ARMH3: variants seen among roughly 807,000 people sequenced by gnomAD.
The protein encoded by ARMH3 is armadillo like helical domain containing 3.
A neutral mutation model predicts 99.1 loss-of-function variants in ARMH3; 60 were observed. The observed-to-expected ratio is 0.61, with a 90% CI of 0.49 to 0.75. The LOEUF (loss-of-function observed/expected upper bound fraction) is 0.75. Among genes scored for constraint, ARMH3 ranks in the 30% least tolerant of loss-of-function variants. The probability of loss-of-function intolerance (pLI) is 0.00; values close to 1 mark genes in which losing one functional copy is unlikely to be tolerated. For synonymous variants in ARMH3, 285 were observed against 292.8 expected (o/e 0.97, Z 0.27); for missense variants, 679 against 843.1 (o/e 0.81, Z 2.41).
At chr10:101,920,284 A>G (rs1293175288) in intron 23 of ARMH3, among the ~76,000 whole-genome samples, 1 of 152,202 alleles carries the variant, frequency 6.6e-6, no homozygotes, top group Non-Finnish European at 1.5e-5. Context: ...GGGAAAGGAC[A>G]TTCTAGGCAG....
intron 1 of ARMH3, among the ~76,000 whole-genome samples, chr10:102,047,329 A>G (rs949564486): frequency 1.3e-5 from 2 of 152,292 alleles, no homozygotes; most frequent in Non-Finnish European, 2.9e-5. Flanking sequence ...CAGAAAAAAG[A>G]AATGGAAAAC....
At chr10:101,905,781 C>A in intron 23 of ARMH3, among the ~76,000 whole-genome samples, 1 of 152,088 alleles carries the variant, frequency 6.6e-6, no homozygotes, top group Non-Finnish European at 1.5e-5. Flanking sequence ...TGGTGGTTTC[C>A]TAATGAAATA....
intron 24 of ARMH3, among the ~76,000 whole-genome samples, chr10:101,884,793 CA>C (rs35682779): frequency 6.7e-5 from 10 of 149,908 alleles, no homozygotes; most frequent in East Asian, 4.0e-4. Context: ...AACAAACAAA[CA>C]AAAAAAAACA....
At chr10:102,039,471 C>T (rs2067357026) in intron 2 of ARMH3, among the ~76,000 whole-genome samples, 1 of 152,172 alleles carries the variant, frequency 6.6e-6, no homozygotes, top group South Asian at 2.1e-4. Context: ...ACAATATAGG[C>T]TTGGACCAAT....
chr10:101,957,750 A>G lies in ARMH3; in HGVS notation c.1496-18T>C. ...TATCAAGGCTTTAAAAAAAAAAAAA[A>G]AGACATCAACAAGCTATTCAAACCA... is the stretch of plus-strand genomic sequence containing the variant. On this transcript the variant is annotated intron_variant, in intron 20 of 25. Coordinates refer to ENST00000370033, the MANE Select transcript of ARMH3 (RefSeq NM_024541.3). 1 of 1,563,604 alleles carries G rather than the reference A, an allele frequency of 6.4e-7. No homozygotes were observed. Among genetic ancestry groups the G allele is most frequent in the Admixed American group, 2.0e-5 (1 of 50,210 alleles).
intron 23 of ARMH3, among the ~76,000 whole-genome samples, chr10:101,930,884 C>A (rs772197207): frequency 6.6e-6 from 1 of 152,110 alleles, no homozygotes; most frequent in Non-Finnish European, 1.5e-5. Flanking sequence ...AGGCACTATT[C>A]TACATGCTTT....
chr10:101,915,542 A>T (rs908095796), intron 23 of ARMH3, among the ~76,000 whole-genome samples: 2 of 152,220 alleles, frequency 1.3e-5, no homozygotes, highest in African/African-American at 4.8e-5. Context: ...CAAGTTGACC[A>T]TGAGAAGCAA....
chr10:101,927,769 CAAAAAG>C (rs913049861), intron 23 of ARMH3, among the ~76,000 whole-genome samples: 3 of 152,020 alleles, frequency 2.0e-5, no homozygotes, highest in South Asian at 2.1e-4. Context: ...CCTGTCACTA[CAAAAAG>C]AAAAAGAAAA....
At chr10:102,005,302 G>C (rs2066457582) in intron 14 of ARMH3, among the ~76,000 whole-genome samples, 1 of 147,554 alleles carries the variant, frequency 6.8e-6, no homozygotes, top group South Asian at 2.1e-4. Context: ...AGAATCGCCT[G>C]AATCTGGGAG....
intron 23 of ARMH3, among the ~76,000 whole-genome samples, chr10:101,926,154 A>G (rs1339549478): frequency 6.6e-6 from 1 of 152,156 alleles, no homozygotes; most frequent in Non-Finnish European, 1.5e-5. Context: ...TACCTTAGCC[A>G]TTCTGATATA....
At chr10:101,949,600 C>T (rs574170992) in intron 22 of ARMH3, among the ~76,000 whole-genome samples, 15 of 152,188 alleles carry the variant, frequency 9.9e-5, no homozygotes, top group Admixed American at 7.9e-4. Flanking sequence ...CGAAAGTAAA[C>T]TCCAGACGCA....
At chr10:102,029,514 G>C in intron 5 of ARMH3, 124 bp downstream of exon 5, 1 of 1,591,996 alleles carries the variant, frequency 6.3e-7, no homozygotes, top group Non-Finnish European at 8.6e-7. Context: ...CTAAATGCAA[G>C]GCCAAATTCA....
rs1436195363 is a variant in ARMH3 at position 101,944,263 on chromosome 10, TATATATATATAGAGAGAGAGAGAGAG to T, written c.1706-4351_1706-4326del. ...GAGCCTATATATATATATATATATA[TATATATATATAGAGAGAGAGAGAGAG>T]AGAGAGAGAGAGAGAGAGAGAGAGA... On this transcript the variant is annotated intron_variant, in intron 22 of 25. Coordinates refer to ENST00000370033, the MANE Select transcript of ARMH3 (RefSeq NM_024541.3). Among the ~76,000 whole-genome samples, 335 of 64,030 alleles carry T rather than the reference TATATATATATAGAGAGAGAGAGAGAG, an allele frequency of 5.2e-3. 4 individuals carry two copies. In the East Asian group the frequency reaches 0.078, roughly 15 times the overall value. 42.0% of individuals were successfully genotyped at this position (64,030 alleles called of 152,430 possible). A position where few individuals can be genotyped will look rare whatever the true frequency, so the allele number is the denominator to read the frequency against.
At chr10:102,035,733 T>C (rs1379791685) in intron 2 of ARMH3, among the ~76,000 whole-genome samples, 1 of 152,188 alleles carries the variant, frequency 6.6e-6, no homozygotes, top group Admixed American at 6.5e-5. Context: ...TGGAGTGCAG[T>C]GGTGTGATCT....
Position 101,947,961 on chromosome 10 carries a change from A to T in ARMH3, c.1706-8023T>A, listed in dbSNP as rs1315907729. 2.6e-5 allele frequency among the ~76,000 whole-genome samples: 4 copies of T among 152,146 alleles called. No individual in the cohort carries two copies. In the South Asian group the frequency reaches 8.3e-4, roughly 31 times the overall value. On this transcript the variant is annotated intron_variant, in intron 22 of 25. Coordinates refer to ENST00000370033, the MANE Select transcript of ARMH3 (RefSeq NM_024541.3). ...CTAAAAAATACAAATATAGCCCAAA[A>T]GCCAGCTAATAAATTAAAATGGAAT...
chr10:101,875,724 T>G (rs2067243709), intron 24 of ARMH3, among the ~76,000 whole-genome samples: 1 of 152,150 alleles, frequency 6.6e-6, no homozygotes, highest in African/African-American at 2.4e-5. Context: ...GGGTGATTAG[T>G]GAGAGGCCAT....
intron 8 of ARMH3, among the ~76,000 whole-genome samples, chr10:102,021,224 G>A (rs569785359): frequency 6.7e-6 from 1 of 149,518 alleles, no homozygotes; most frequent in South Asian, 2.1e-4. Flanking sequence ...CTTCAGGCAT[G>A]TGCCACCATG....
intron 22 of ARMH3, among the ~76,000 whole-genome samples, chr10:101,955,631 A>G (rs1163933932): frequency 6.6e-6 from 1 of 152,192 alleles, no homozygotes; most frequent in Non-Finnish European, 1.5e-5. Flanking sequence ...ATGATACAGG[A>G]GTCCCAAGGA....
intron 24 of ARMH3, among the ~76,000 whole-genome samples, chr10:101,852,107 G>C (rs2066617270): frequency 6.6e-6 from 1 of 152,214 alleles, no homozygotes; most frequent in South Asian, 2.1e-4. Context: ...TGAAATCTGG[G>C]GAGCCTCAGC....
Sources: gnomAD v4.1 joint callset for allele counts (sites outside exome capture counted in the v4.1 genomes callset) on GRCh38, gnomAD v4.1.1 for gene constraint, MANE v1.5 for transcripts, NCBI Gene and HGNC (gene_info 2026-07-23, HGNC 2026-07-21) for gene names.